Variants in RORA observed in about 807,000 individuals in gnomAD.
RORA encodes the protein nuclear receptor ROR-alpha.
In RORA, 7 loss-of-function variants were observed where a neutral mutation model predicts 69.5. That is an observed-to-expected ratio of 0.10 (90% CI 0.06 to 0.19). The LOEUF (loss-of-function observed/expected upper bound fraction) is 0.19, where lower values mean the gene tolerates loss of function less well. RORA is among the 10% of genes least tolerant of loss of function. The probability of loss-of-function intolerance (pLI) is 1.00; values close to 1 mark genes in which losing one functional copy is unlikely to be tolerated. For synonymous variants in RORA, 261 were observed against 240.8 expected, an observed-to-expected ratio of 1.08 and a Z score of -0.78; for missense variants, 457 against 663.0, an observed-to-expected ratio of 0.69 and a Z score of 3.41.
At chr15:60,769,016 T>A (rs1461412897) in intron 1 of RORA, among the ~76,000 whole-genome samples, 1 of 152,172 alleles carries the variant, frequency 6.6e-6, no homozygotes, top group Non-Finnish European at 1.5e-5. Context: ...GAAACTTCGG[T>A]CAACATCCTA....
chr15:60,583,773 C>T (rs1471237745), intron 2 of RORA, among the ~76,000 whole-genome samples: 1 of 152,156 alleles, frequency 6.6e-6, no homozygotes, highest in Admixed American at 6.5e-5. Context: ...ACATCTGGCA[C>T]CTCTTCCATG....
At chr15:61,120,159 T>G (rs1256281880) in intron 1 of RORA, among the ~76,000 whole-genome samples, 1 of 152,206 alleles carries the variant, frequency 6.6e-6, no homozygotes, top group Non-Finnish European at 1.5e-5. Flanking sequence ...ACATGTCCTA[T>G]ATTTTGATAT....
chr15:60,503,462 C>T (rs2065395100), intron 7 of RORA, 73 bp downstream of exon 7: 13 of 1,511,686 alleles, frequency 8.6e-6, no homozygotes, highest in African/African-American at 1.4e-5. Context: ...ACCTTCCTTA[C>T]CAAGCATTTC....
chr15:60,680,536 G>A (rs1255213337), intron 1 of RORA, among the ~76,000 whole-genome samples: 5 of 151,544 alleles, frequency 3.3e-5, no homozygotes, highest in Non-Finnish European at 5.9e-5. Flanking sequence ...CTGGCATGGA[G>A]CTAAAACTTT....
intron 1 of RORA, among the ~76,000 whole-genome samples, chr15:60,859,357 T>C (rs2073413053): frequency 6.6e-6 from 1 of 152,120 alleles, no homozygotes; most frequent in African/African-American, 2.4e-5. Flanking sequence ...GTGTGGCTTA[T>C]GGCTTAGCAG....
chr15:60,550,119 CAT>C (rs1446698118), intron 2 of RORA, among the ~76,000 whole-genome samples: 1 of 152,120 alleles, frequency 6.6e-6, no homozygotes, highest in Non-Finnish European at 1.5e-5. Context: ...GGTGAAATCC[CAT>C]CTCTACTAAA....
intron 1 of RORA, among the ~76,000 whole-genome samples, chr15:60,991,906 AAAAATAAAAT>A (rs60034207): frequency 2.7e-5 from 4 of 148,142 alleles, no homozygotes; most frequent in East Asian, 2.0e-4. Flanking sequence ...ACCGTGCCTC[AAAAATAAAAT>A]AAAATAAAAT....
At chr15:60,503,845 C>G (rs1470145198) in intron 6 of RORA, among the ~76,000 whole-genome samples, 178 bp from the exon 7 acceptor site, 1 of 152,178 alleles carries the variant, frequency 6.6e-6, no homozygotes, top group Non-Finnish European at 1.5e-5. Context: ...CTCTGTCACC[C>G]AGGCTGGAGT....
chr15:60,944,219 G>A (rs561667568), intron 1 of RORA, among the ~76,000 whole-genome samples: 2 of 152,138 alleles, frequency 1.3e-5, no homozygotes, highest in African/African-American at 2.4e-5. Flanking sequence ...CACCTGGGAA[G>A]TCTGATGTAA....
chr15:61,133,922 G>C (rs1457991271), intron 1 of RORA, among the ~76,000 whole-genome samples: 1 of 152,118 alleles, frequency 6.6e-6, no homozygotes, highest in Non-Finnish European at 1.5e-5. Flanking sequence ...GAAGGCAAAG[G>C]CTCATGAACA....
intron 1 of RORA, among the ~76,000 whole-genome samples, chr15:61,021,433 G>A (rs1215964474): frequency 6.6e-6 from 1 of 152,146 alleles, no homozygotes; most frequent in Non-Finnish European, 1.5e-5. Flanking sequence ...CTTGCTATAG[G>A]CCAGGCAGTG....
intron 1 of RORA, among the ~76,000 whole-genome samples, chr15:61,034,461 C>T (rs1488439511): frequency 1.3e-5 from 2 of 152,102 alleles, no homozygotes; most frequent in Non-Finnish European, 2.9e-5. Flanking sequence ...ACGACAATTA[C>T]AGTTCATTGT....
At chr15:61,138,322 G>C (rs963600815) in intron 1 of RORA, among the ~76,000 whole-genome samples, 16 of 152,108 alleles carry the variant, frequency 1.1e-4, no homozygotes, top group Admixed American at 9.2e-4. Context: ...CTTAAAAAAA[G>C]TGACTCACAT....
chr15:60,816,920 C>CT (rs1284176658), intron 1 of RORA, among the ~76,000 whole-genome samples: 2 of 151,880 alleles, frequency 1.3e-5, no homozygotes, highest in African/African-American at 4.8e-5. Context: ...TTAAATGATA[C>CT]TTTTTTCTGT....
At chr15:60,649,071 G>A (rs1317843273) in intron 2 of RORA, among the ~76,000 whole-genome samples, 1 of 152,042 alleles carries the variant, frequency 6.6e-6, no homozygotes, top group African/African-American at 2.4e-5. Context: ...TCAAGTTGCC[G>A]TGACTCTGAA....
At chr15:60,738,004 A>T (rs1412425044) in intron 1 of RORA, among the ~76,000 whole-genome samples, 3 of 152,232 alleles carry the variant, frequency 2.0e-5, no homozygotes, top group African/African-American at 7.2e-5. Context: ...GGTCATAAAT[A>T]AGTAATATAG....
At chr15:61,085,071 A>T (rs1239708563) in intron 1 of RORA, among the ~76,000 whole-genome samples, 1 of 151,918 alleles carries the variant, frequency 6.6e-6, no homozygotes, top group Admixed American at 6.6e-5. Context: ...TCAGCCAAGG[A>T]TGCTCTAGGG....
At chr15:60,923,276 T>G (rs1284268863) in intron 1 of RORA, among the ~76,000 whole-genome samples, 2 of 152,232 alleles carry the variant, frequency 1.3e-5, no homozygotes, top group African/African-American at 4.8e-5. Flanking sequence ...CACGTTTTAT[T>G]AAACAACCAG....
rs1357454933 is a variant in RORA, at chr15:60,493,471, T to C, written c.*3984A>G. 1.3e-5 allele frequency: 2 copies of C among 152,188 alleles called. No individual in the cohort carries two copies. The highest frequency in any genetic ancestry group is 4.8e-5 in the African/African-American group (2 of 41,446). 9.4% of individuals were successfully genotyped at this position (152,188 alleles called of 1,614,324 possible). On this transcript the variant is annotated 3_prime_UTR_variant, in exon 11 of 11. Transcript: ENST00000335670. ...AAGCTTACATACTACTTAAACCTTT[T>C]CATGAAAGATACTACTAGGTTGTTT...
Sources: gnomAD v4.1 joint callset for allele counts (sites outside exome capture counted in the v4.1 genomes callset) on GRCh38, gnomAD v4.1.1 for gene constraint, MANE v1.5 for transcripts, NCBI Gene and HGNC (gene_info 2026-07-23, HGNC 2026-07-21) for gene names.